SIGLEC15: variants seen among roughly 807,000 people sequenced by gnomAD.
SIGLEC15 encodes sialic acid-binding Ig-like lectin 15.
A neutral mutation model predicts 26.2 loss-of-function variants in SIGLEC15; 31 were observed. The ratio of observed to expected loss-of-function variants is 1.18; its 90% CI spans 0.89 to 1.60. The LOEUF (loss-of-function observed/expected upper bound fraction) is 1.60. Among genes scored for constraint, SIGLEC15 ranks in the 40% most tolerant of loss-of-function variants. The pLI, the probability that SIGLEC15 is intolerant of heterozygous loss-of-function variation, is 0.00. For missense variants in SIGLEC15, 501 were observed against 488.4 expected, an observed-to-expected ratio of 1.03 and a Z score of -0.24; for synonymous variants, 207 against 221.9, an observed-to-expected ratio of 0.93 and a Z score of 0.60.
At chr18:45,826,403 G>C (rs556885895) in intron 1 of SIGLEC15, among the ~76,000 whole-genome samples, 58 of 152,282 alleles carry the variant, frequency 3.8e-4, no homozygotes, top group African/African-American at 1.3e-3. Flanking sequence ...GAATCCCTGG[G>C]GTTAGGAGAG....
chr18:45,829,040 A>G (rs1159971693), intron 1 of SIGLEC15: 1 of 963,024 alleles, frequency 1.0e-6, no homozygotes, highest in African/African-American at 1.8e-5. Context: ...GAGTGAAGGG[A>G]GCAGGGATCA....
In SIGLEC15 at chr18:45,837,975, C is replaced by T. The variant is rs2048290686; in HGVS notation, c.496+79C>T. ...CCCGCCCCAAGGGCTACGTGGGTGCCAGGCGCTGTGCTGAGCCAGGAAGGG... is the reference window on the plus strand; with the variant it reads ...CCCGCCCCAAGGGCTACGTGGGTGCTAGGCGCTGTGCTGAGCCAGGAAGGG... On this transcript the variant is annotated intron_variant, in intron 3 of 5. Transcript: ENST00000389474. 2.1e-6 allele frequency: 3 copies of T among 1,397,096 alleles called. No homozygotes were observed. In the East Asian group the frequency reaches 9.0e-5, roughly 42 times the overall value. 86.5% of individuals were successfully genotyped at this position (1,397,096 alleles called of 1,614,324 possible).
At chr18:45,828,573 A>G (rs1418125906) in intron 1 of SIGLEC15, among the ~76,000 whole-genome samples, 1 of 152,072 alleles carries the variant, frequency 6.6e-6, no homozygotes, top group Non-Finnish European at 1.5e-5. Flanking sequence ...CATCTTCAGA[A>G]CCCCTTGTGC....
intron 1 of SIGLEC15, among the ~76,000 whole-genome samples, chr18:45,827,207 T>G (rs572330247): frequency 1.3e-5 from 2 of 152,174 alleles, no homozygotes; most frequent in Non-Finnish European, 2.9e-5. Flanking sequence ...TGAGCCACCA[T>G]GCCCGGCAGA....
chr18:45,840,145 G>C, intron 4 of SIGLEC15, 66 bp from the exon 5 acceptor site: 1 of 1,579,940 alleles, frequency 6.3e-7, no homozygotes, highest in Non-Finnish European at 8.7e-7. Context: ...CATGGGTGGG[G>C]GTGGGCGCAC....
chr18:45,836,570 T>C lies in SIGLEC15; in HGVS notation c.53-459T>C, dbSNP rs539866216. On this transcript the variant is annotated intron_variant, in intron 1 of 5. Coordinates refer to ENST00000389474, the MANE Select transcript of SIGLEC15 (RefSeq NM_213602.3). ...CCTCTGTGAGCTGGAGGCAGAGCTC[T>C]GCTTCCAGACCCTGGCTCAACCACA... is the stretch of plus-strand genomic sequence containing the variant. 1.8e-4 allele frequency among the ~76,000 whole-genome samples: 27 copies of C among 152,282 alleles called. No individual in the cohort carries two copies. The South Asian group carries it at 5.6e-3, about 32-fold the overall frequency.
At chr18:45,835,077 A>AG (rs1342091376) in intron 1 of SIGLEC15, among the ~76,000 whole-genome samples, 2 of 152,162 alleles carry the variant, frequency 1.3e-5, no homozygotes, top group East Asian at 1.9e-4. Flanking sequence ...ACATTTGTCC[A>AG]GAAAAAAAAA....
chr18:45,839,617 C>T (rs2048308209), intron 4 of SIGLEC15, among the ~76,000 whole-genome samples: 1 of 152,154 alleles, frequency 6.6e-6, no homozygotes, highest in South Asian at 2.1e-4. Context: ...AGGTATGCCT[C>T]CCTCTGGTGG....
intron 3 of SIGLEC15, among the ~76,000 whole-genome samples, 174 bp downstream of exon 3, chr18:45,838,070 G>T (rs1234767353): frequency 6.6e-6 from 1 of 152,228 alleles, no homozygotes; most frequent in African/African-American, 2.4e-5. Flanking sequence ...CCACCTGGGA[G>T]CTTGACACAA....
Position 45,842,306 on chromosome 18 carries a change from C to T in SIGLEC15, c.*119C>T. On this transcript the variant is annotated 3_prime_UTR_variant, in exon 6 of 6. Coordinates refer to ENST00000389474, the MANE Select transcript of SIGLEC15 (RefSeq NM_213602.3). The stretch of plus-strand genomic sequence containing the variant: ...ACCTTGGCAGCCCCCAGCTGGGTGG[C>T]TCCTCCCCTGCTCAAGGTCAAGACC... 9.5e-7 allele frequency: 1 copy of T among 1,056,684 alleles called. No homozygotes were observed. The highest frequency in any genetic ancestry group is 1.4e-6 in the Non-Finnish European group (1 of 698,548). The allele number at this position is 1,056,684 out of a possible 1,614,324, so 65.5% of individuals were successfully genotyped here.
intron 1 of SIGLEC15, among the ~76,000 whole-genome samples, chr18:45,834,440 G>A (rs480287): frequency 0.062 from 9,428 of 152,308 alleles, 623 homozygotes; most frequent in African/African-American, 0.16. Flanking sequence ...CTGAGGCACA[G>A]GGGAGGGAGG....
Position 45,842,464 on chromosome 18 carries a change from C to G in SIGLEC15, c.*277C>G. On this transcript the variant is annotated 3_prime_UTR_variant, in exon 6 of 6. Transcript: ENST00000389474. ...GTGTGAGAGAGAGAGAGAGAGAGTA[C>G]ACGCATTAGCTTGAGCGTGAAACTT... 1 of 392,986 alleles carries G rather than the reference C, an allele frequency of 2.5e-6. No homozygotes were observed. The allele number at this position is 392,986 out of a possible 1,614,324, so 24.3% of individuals were successfully genotyped here. A position where few individuals can be genotyped will look rare whatever the true frequency, so the allele number is the denominator to read the frequency against.
At chr18:45,835,878 G>A (rs868486257) in intron 1 of SIGLEC15, among the ~76,000 whole-genome samples, 29 of 152,188 alleles carry the variant, frequency 1.9e-4, no homozygotes, top group African/African-American at 7.0e-4. Context: ...GGATGAGGAA[G>A]GCCAGGAAAG....
chr18:45,841,858 T>G (rs2048327362), intron 5 of SIGLEC15, among the ~76,000 whole-genome samples: 1 of 152,130 alleles, frequency 6.6e-6, no homozygotes, highest in Non-Finnish European at 1.5e-5. Flanking sequence ...GTCAGGGACA[T>G]GGAGCCAGTC....
At chr18:45,841,959 G>C in intron 5 of SIGLEC15, 147 bp from the exon 6 acceptor site, 2 of 737,432 alleles carry the variant, frequency 2.7e-6, no homozygotes, top group Admixed American at 4.3e-5. Flanking sequence ...CCCAGCCTCC[G>C]ATGCCATTCA....
In SIGLEC15 at chr18:45,842,388, A is replaced by G; in HGVS notation, c.*201A>G. 2 of 591,258 alleles carry G rather than the reference A, an allele frequency of 3.4e-6. No individual in the cohort carries two copies. The highest frequency in any genetic ancestry group is 3.0e-5 in the Admixed American group (1 of 33,678). 36.6% of individuals were successfully genotyped at this position (591,258 alleles called of 1,614,324 possible). On this transcript the variant is annotated 3_prime_UTR_variant, in exon 6 of 6. Transcript: ENST00000389474. ...TGGACAACCATTTCGGAGCTCCCTG[A>G]TATTTTTGCCAGCATTTCGTAAATG...
intron 4 of SIGLEC15, 128 bp from the exon 5 acceptor site, chr18:45,840,083 G>T: frequency 2.0e-6 from 2 of 988,652 alleles, no homozygotes. Flanking sequence ...CACCCTGCTA[G>T]TCTGCTGTTT....
At chr18:45,825,871 C>A in intron 1 of SIGLEC15, 91 bp downstream of exon 1, 2 of 1,499,360 alleles carry the variant, frequency 1.3e-6, no homozygotes, top group Non-Finnish European at 1.8e-6. Context: ...AGGCAGGAAG[C>A]AGGTGTGCAG....
At chr18:45,840,301 G>T in intron 5 of SIGLEC15, 60 bp downstream of exon 5, 1 of 1,551,368 alleles carries the variant, frequency 6.4e-7, no homozygotes. Context: ...TCATCACCCA[G>T]GGGGTCCAGG....
Sources: gnomAD v4.1 joint callset for allele counts (sites outside exome capture counted in the v4.1 genomes callset) on GRCh38, gnomAD v4.1.1 for gene constraint, MANE v1.5 for transcripts, NCBI Gene and HGNC (gene_info 2026-07-23, HGNC 2026-07-21) for gene names.